The following PDK3 variants were observed in gnomAD, a reference collection of about 807,000 sequenced individuals.
The protein encoded by PDK3 is pyruvate dehydrogenase kinase, isozyme 3.
A neutral mutation model predicts 32.0 loss-of-function variants in PDK3; 12 were observed. The ratio of observed to expected loss-of-function variants is 0.37; its 90% CI spans 0.24 to 0.61. PDK3 has a LOEUF of 0.61. Ranked by LOEUF, PDK3 falls within the 20% of genes least tolerant of loss-of-function variation. The pLI, the probability that PDK3 is intolerant of heterozygous loss-of-function variation, is 0.65. For synonymous variants in PDK3, 122 were observed against 116.3 expected (o/e 1.05, Z -0.31); for missense variants, 188 against 316.9 (o/e 0.59, Z 3.09).
At chrX:24,547,256 G>T (rs893944243) in exon 12 of PDK3, 1 of 112,242 alleles carries the variant, frequency 8.9e-6, no homozygotes, top group Non-Finnish European at 1.9e-5. Flanking sequence ...TAAATTTGTG[G>T]TAATACCGGA....
At chrX:24,513,353 A>C (rs1210837254) in intron 5 of PDK3, 1 of 111,288 alleles carries the variant, frequency 9.0e-6, no homozygotes, top group Non-Finnish European at 1.9e-5. Context: ...AAAAGGCAGC[A>C]TATCAATTCC....
intron 1 of PDK3, among the ~76,000 whole-genome samples, chrX:24,471,536 GA>G (rs1470297690): frequency 1.8e-5 from 2 of 112,323 alleles, no homozygotes; most frequent in Non-Finnish European, 3.8e-5. Context: ...CTTGGGCAGC[GA>G]AAAGAAGGTT....
chrX:24,509,929 T>C (rs957142640), intron 5 of PDK3, among the ~76,000 whole-genome samples: 1 of 112,247 alleles, frequency 8.9e-6, no homozygotes, highest in Non-Finnish European at 1.9e-5. Flanking sequence ...ATATAATTTA[T>C]TTAAATGTTA....
At chrX:24,542,219 C>G (rs1243880058) in exon 12 of PDK3, among the ~76,000 whole-genome samples, 2 of 112,208 alleles carry the variant, frequency 1.8e-5, no homozygotes, top group Non-Finnish European at 3.8e-5. Context: ...GGAGCCATCT[C>G]TTCCTTTTTT....
intron 2 of PDK3, 39 bp downstream of exon 2, chrX:24,494,922 A>G: frequency 8.7e-7 from 1 of 1,148,192 alleles, no homozygotes; most frequent in Non-Finnish European, 1.2e-6. Context: ...TCTTCCCACA[A>G]TGCTGTGAAC....
chrX:24,525,827 C>T (rs1340583161), intron 6 of PDK3, among the ~76,000 whole-genome samples: 1 of 112,307 alleles, frequency 8.9e-6, no homozygotes, highest in East Asian at 2.8e-4. Flanking sequence ...CGTGGAATTC[C>T]CCCTGGGGTC....
At position 24,519,046 on chromosome X, in the gene PDK3, A is replaced by C. The variant is rs765820338; in HGVS notation, c.673+36A>C. On this transcript the variant is annotated intron_variant, in intron 6 of 10. Coordinates refer to ENST00000379162, the MANE Select transcript of PDK3 (RefSeq NM_005391.5). ...ACTAATTTTAACCTTACATTCAAAAAAGCTGACTAAGAAGCTGTTTATACC... is the reference window on the plus strand; with the variant it reads ...ACTAATTTTAACCTTACATTCAAAACAGCTGACTAAGAAGCTGTTTATACC... The C allele has an allele frequency of 3.2e-6, 3 of 935,377 alleles. No individual in the cohort carries two copies. The African/African-American group carries it at 5.8e-5, about 18-fold the overall frequency. 77.1% of individuals were successfully genotyped at this position (935,377 alleles called of 1,213,427 possible). A position where few individuals can be genotyped will look rare whatever the true frequency, so the allele number is the denominator to read the frequency against.
intron 2 of PDK3, among the ~76,000 whole-genome samples, chrX:24,496,752 C>T (rs1238988834): frequency 1.1e-5 from 1 of 91,847 alleles, no homozygotes; most frequent in Non-Finnish European, 2.1e-5. Flanking sequence ...GACTGTCAGG[C>T]TGGGAACCTC....
intron 1 of PDK3, among the ~76,000 whole-genome samples, chrX:24,493,110 C>T (rs946469562): frequency 2.7e-5 from 3 of 111,592 alleles, no homozygotes; most frequent in Non-Finnish European, 5.6e-5. Context: ...CACCCCTTCT[C>T]CTCTTACTTG....
intron 1 of PDK3, among the ~76,000 whole-genome samples, chrX:24,484,756 A>T (rs1402003719): frequency 9.0e-6 from 1 of 111,683 alleles, no homozygotes; most frequent in Non-Finnish European, 1.9e-5. Flanking sequence ...GTATTTTTTT[A>T]AAGAATAGAA....
intron 1 of PDK3, among the ~76,000 whole-genome samples, chrX:24,466,748 C>T (rs1336849514): frequency 9.0e-6 from 1 of 111,415 alleles, no homozygotes; most frequent in African/African-American, 3.3e-5. Flanking sequence ...TTCAATGACA[C>T]GTTGATTTCT....
intron 1 of PDK3, among the ~76,000 whole-genome samples, chrX:24,473,974 C>G (rs1812742263): frequency 8.9e-6 from 1 of 111,884 alleles, no homozygotes; most frequent in Non-Finnish European, 1.9e-5. Context: ...AAAGATAGAA[C>G]CTTCTGAATG....
At chrX:24,497,905 A>G (rs1921757344) in intron 2 of PDK3, among the ~76,000 whole-genome samples, 1 of 112,372 alleles carries the variant, frequency 8.9e-6, no homozygotes, top group African/African-American at 3.2e-5. Flanking sequence ...CTGGCTGGAT[A>G]TAGCTGCTGC....
At chrX:24,481,517 T>C (rs1473549303) in intron 1 of PDK3, among the ~76,000 whole-genome samples, 1 of 112,158 alleles carries the variant, frequency 8.9e-6, no homozygotes, top group Non-Finnish European at 1.9e-5. Flanking sequence ...CTGATGTGGT[T>C]TGGCTCTGTG....
At chrX:24,481,122 C>G (rs1282054201) in intron 1 of PDK3, among the ~76,000 whole-genome samples, 1 of 108,132 alleles carries the variant, frequency 9.2e-6, no homozygotes, top group Non-Finnish European at 1.9e-5. Context: ...TGGCTCACTG[C>G]AAGCTCCGCC....
intron 3 of PDK3, 53 bp from the exon 4 acceptor site, chrX:24,503,274 C>T (rs1342554031): frequency 2.3e-6 from 2 of 873,300 alleles, no homozygotes; most frequent in Non-Finnish European, 3.2e-6. Flanking sequence ...GAAGTCTGTG[C>T]ATCAGCCCAT....
chrX:24,524,000 C>G (rs1303331056), intron 6 of PDK3, among the ~76,000 whole-genome samples: 1 of 112,289 alleles, frequency 8.9e-6, no homozygotes, highest in Non-Finnish European at 1.9e-5. Context: ...CTTATCAGCT[C>G]TACTGTTACT....
intron 10 of PDK3, among the ~76,000 whole-genome samples, chrX:24,531,989 G>A (rs1244227030): frequency 5.4e-5 from 6 of 111,979 alleles, no homozygotes; most frequent in Non-Finnish European, 7.5e-5. Context: ...ATTTTGGCCG[G>A]GCGTGGTGGC....
chrX:24,485,208 C>T (rs765553353), intron 1 of PDK3, among the ~76,000 whole-genome samples: 2 of 110,694 alleles, frequency 1.8e-5, no homozygotes, highest in African/African-American at 6.6e-5. Flanking sequence ...ATTAGCCAGG[C>T]GCGGTGGTGC....
Sources: gnomAD v4.1 joint callset for allele counts (sites outside exome capture counted in the v4.1 genomes callset) on GRCh38, gnomAD v4.1.1 for gene constraint, MANE v1.5 for transcripts, NCBI Gene and HGNC (gene_info 2026-07-23, HGNC 2026-07-21) for gene names.